The following SLC9A9 variants were observed in gnomAD, a reference collection of about 807,000 sequenced individuals.
The protein encoded by SLC9A9 is solute carrier family 9 member A9.
In SLC9A9, 62 loss-of-function variants were observed where a neutral mutation model predicts 77.8. The observed-to-expected ratio is 0.80, with a 90% CI of 0.65 to 0.98. SLC9A9 has a LOEUF of 0.98. SLC9A9 is among the 50% of genes least tolerant of loss of function. The pLI is 0.00. For synonymous variants in SLC9A9, 320 were observed against 283.5 expected, an observed-to-expected ratio of 1.13 and a Z score of -1.29; for missense variants, 775 against 774.9, an observed-to-expected ratio of 1.00 and a Z score of 0.00.
intron 1 of SLC9A9, among the ~76,000 whole-genome samples, chr3:143,832,719 T>C (rs952546050): frequency 1.3e-5 from 2 of 151,802 alleles, no homozygotes; most frequent in Non-Finnish European, 2.9e-5. Context: ...AGTTCTTTTT[T>C]TTTTTTTTGC....
rs116831397 is a variant in SLC9A9 at position 143,734,325 on chromosome 3, A to G, written c.534-41018T>C. 3.3e-3 allele frequency among the ~76,000 whole-genome samples: 503 copies of G among 152,344 alleles called. 5 individuals are homozygous for G. The highest frequency in any genetic ancestry group is 0.011 in the African/African-American group (472 of 41,572). On this transcript the variant is annotated intron_variant, in intron 4 of 15. Transcript: ENST00000316549. ...ATAAAGTTACATGGCTTATACACCC[A>G]AGTTTGTTGACTGATTTATGTGTGT...
intron 5 of SLC9A9, among the ~76,000 whole-genome samples, chr3:143,653,285 C>A (rs1242065): frequency 0.67 from 101,140 of 151,942 alleles, 33,800 homozygotes; most frequent in African/African-American, 0.72. Flanking sequence ...GCAGTCAATA[C>A]TCACACACTG....
intron 7 of SLC9A9, 97 bp from the exon 8 acceptor site, chr3:143,574,290 A>G: frequency 2.0e-6 from 2 of 997,744 alleles, no homozygotes; most frequent in South Asian, 2.8e-5. Flanking sequence ...ATAGCTCTAG[A>G]GCAAAGTAAA....
At chr3:143,813,658 G>C (rs1359119860) in intron 2 of SLC9A9, among the ~76,000 whole-genome samples, 1 of 152,082 alleles carries the variant, frequency 6.6e-6, no homozygotes, top group Non-Finnish European at 1.5e-5. Context: ...AAGGCAGCCC[G>C]CAGACCAAGC....
At chr3:143,671,629 T>C (rs1208346596) in intron 5 of SLC9A9, among the ~76,000 whole-genome samples, 10 of 152,240 alleles carry the variant, frequency 6.6e-5, no homozygotes, top group African/African-American at 2.4e-4. Context: ...GTTTATATGA[T>C]GGAGTTTTAC....
At chr3:143,360,249 G>C (rs911716469) in intron 14 of SLC9A9, among the ~76,000 whole-genome samples, 4 of 152,176 alleles carry the variant, frequency 2.6e-5, no homozygotes, top group Admixed American at 2.6e-4. Context: ...AAAACAAAAA[G>C]AGTAGTTAAA....
At chr3:143,521,353 A>G (rs2036295774) in intron 9 of SLC9A9, among the ~76,000 whole-genome samples, 1 of 152,158 alleles carries the variant, frequency 6.6e-6, no homozygotes, top group Non-Finnish European at 1.5e-5. Context: ...TGGTAATGTT[A>G]TACTTTGTGA....
intron 9 of SLC9A9, among the ~76,000 whole-genome samples, chr3:143,495,965 A>T (rs2035828039): frequency 6.6e-6 from 1 of 152,208 alleles, no homozygotes; most frequent in Non-Finnish European, 1.5e-5. Context: ...GATGAATGTC[A>T]ATTACATTTT....
At chr3:143,415,005 G>A (rs2108522826) in intron 12 of SLC9A9, among the ~76,000 whole-genome samples, 1 of 152,314 alleles carries the variant, frequency 6.6e-6, no homozygotes, top group African/African-American at 2.4e-5. Flanking sequence ...TTACTGAAAG[G>A]CAGGAAGTTT....
rs367781572 is a variant in SLC9A9 at position 143,622,265 on chromosome 3, C to T, written c.755+29990G>A. Among the ~76,000 whole-genome samples, 1,000 of 151,508 alleles carry T rather than the reference C, an allele frequency of 6.6e-3. 12 individuals carry two copies. The highest frequency in any genetic ancestry group is 0.022 in the African/African-American group (903 of 41,156). ...ATTCAAATTCAGGAAATACAGAGAA[C>T]GCCACAAAGATACTCCTCGAGAAGA... On this transcript the variant is annotated intron_variant, in intron 6 of 15. Transcript: ENST00000316549.
chr3:143,294,561 A>G (rs2030164183), intron 14 of SLC9A9, among the ~76,000 whole-genome samples: 1 of 152,244 alleles, frequency 6.6e-6, no homozygotes, highest in Non-Finnish European at 1.5e-5. Context: ...AGCTATCCAA[A>G]TAATGCAAGA....
intron 12 of SLC9A9, among the ~76,000 whole-genome samples, chr3:143,395,185 A>C (rs62276824): frequency 1.3e-4 from 20 of 152,238 alleles, no homozygotes; most frequent in Admixed American, 3.9e-4. Flanking sequence ...ATCATGCTAC[A>C]TGACTTCAAA....
At chr3:143,736,189 C>A (rs967978264) in intron 4 of SLC9A9, among the ~76,000 whole-genome samples, 5 of 152,150 alleles carry the variant, frequency 3.3e-5, no homozygotes, top group African/African-American at 9.7e-5. Context: ...AACTCTCTAC[C>A]TCCTCCTGAC....
chr3:143,471,760 G>C (rs1235039861), intron 11 of SLC9A9, among the ~76,000 whole-genome samples: 2 of 152,070 alleles, frequency 1.3e-5, no homozygotes, highest in African/African-American at 4.8e-5. Flanking sequence ...CAGAGATTTT[G>C]ACATATTTCA....
At chr3:143,355,507 A>G (rs1488416357) in intron 14 of SLC9A9, among the ~76,000 whole-genome samples, 8 of 152,258 alleles carry the variant, frequency 5.3e-5, no homozygotes, top group Non-Finnish European at 8.8e-5. Context: ...CTAAAATTAC[A>G]TAACTAGTAA....
chr3:143,786,218 A>G (rs1043778346), intron 4 of SLC9A9, among the ~76,000 whole-genome samples: 9 of 152,208 alleles, frequency 5.9e-5, no homozygotes, highest in African/African-American at 1.9e-4. Context: ...TTGTTTAATA[A>G]GAAGACTTCT....
intron 12 of SLC9A9, among the ~76,000 whole-genome samples, chr3:143,432,850 T>A (rs1190124456): frequency 5.9e-5 from 9 of 152,186 alleles, no homozygotes; most frequent in Admixed American, 3.9e-4. Context: ...ATGGTCTTGA[T>A]CTCCTGACCT....
chr3:143,282,710 CTATATAAAAAGA>C (rs956308671), intron 14 of SLC9A9, among the ~76,000 whole-genome samples: 1 of 152,078 alleles, frequency 6.6e-6, no homozygotes, highest in African/African-American at 2.4e-5. Context: ...AGGATAGAAG[CTATATAAAAAGA>C]TAAAGAAGAA....
chr3:143,348,295 C>T (rs954494515), intron 14 of SLC9A9, among the ~76,000 whole-genome samples: 20 of 152,068 alleles, frequency 1.3e-4, no homozygotes, highest in African/African-American at 4.6e-4. Flanking sequence ...GCGCCCGGCC[C>T]GAAGTTAAGC....
Sources: allele counts gnomAD v4.1 joint callset (sites outside exome capture counted in the v4.1 genomes callset), GRCh38; gene constraint gnomAD v4.1.1; transcripts MANE v1.5; gene names NCBI Gene and HGNC (gene_info 2026-07-23, HGNC 2026-07-21).